The following SOX5 variants were observed in gnomAD, a reference collection of about 807,000 sequenced individuals.
SOX5 encodes SRY-box transcription factor 5.
A neutral mutation model predicts 92.0 loss-of-function variants in SOX5; 9 were observed. The ratio of observed to expected loss-of-function variants is 0.10; its 90% CI spans 0.06 to 0.17. The LOEUF is 0.17. Among genes scored for constraint, SOX5 ranks in the 10% least tolerant of loss-of-function variants. The pLI is 1.00. For missense variants in SOX5, 642 were observed against 944.5 expected, an observed-to-expected ratio of 0.68 and a Z score of 4.20; for synonymous variants, 344 against 336.3, an observed-to-expected ratio of 1.02 and a Z score of -0.25.
chr12:23,695,793 T>C (rs1469730052), intron 6 of SOX5, among the ~76,000 whole-genome samples: 5 of 151,268 alleles, frequency 3.3e-5, no homozygotes, highest in Non-Finnish European at 7.4e-5. Context: ...TACAAAAAAT[T>C]AGCTGGGCCC....
intron 1 of SOX5, among the ~76,000 whole-genome samples, chr12:24,545,412 G>A (rs888906027): frequency 5.9e-5 from 9 of 151,978 alleles, no homozygotes; most frequent in Middle Eastern, 3.2e-3. Context: ...CAGTTTTCCT[G>A]TGCTTGAGGA....
chr12:24,451,545 A>G (rs1452029764), intron 1 of SOX5, among the ~76,000 whole-genome samples: 1 of 152,182 alleles, frequency 6.6e-6, no homozygotes, highest in African/African-American at 2.4e-5. Context: ...TTCTCTGATC[A>G]ACGATGTTGA....
At chr12:23,983,012 C>T (rs547423792) in intron 4 of SOX5, among the ~76,000 whole-genome samples, 19 of 152,052 alleles carry the variant, frequency 1.2e-4, no homozygotes, top group Non-Finnish European at 2.5e-4. Context: ...TTTTTGCAAA[C>T]CACTAGCCCA....
At chr12:24,276,604 A>T (rs1019465193) in intron 3 of SOX5, among the ~76,000 whole-genome samples, 1 of 152,178 alleles carries the variant, frequency 6.6e-6, no homozygotes, top group Non-Finnish European at 1.5e-5. Flanking sequence ...AAGGATTTTC[A>T]ACTCTAGATC....
chr12:24,521,990 A>T (rs1950301804), intron 1 of SOX5, among the ~76,000 whole-genome samples: 1 of 152,008 alleles, frequency 6.6e-6, no homozygotes, highest in Non-Finnish European at 1.5e-5. Flanking sequence ...AGAAAAAAAA[A>T]TCAGCAAAAG....
At chr12:24,142,112 A>G (rs1950640831) in intron 4 of SOX5, among the ~76,000 whole-genome samples, 1 of 152,158 alleles carries the variant, frequency 6.6e-6, no homozygotes, top group Non-Finnish European at 1.5e-5. Context: ...CCCACATTGT[A>G]AAAGGAACTA....
chr12:23,625,625 T>C (rs1187798904), intron 8 of SOX5, among the ~76,000 whole-genome samples: 1 of 152,214 alleles, frequency 6.6e-6, no homozygotes, highest in Non-Finnish European at 1.5e-5. Flanking sequence ...TTTTTTGTTG[T>C]TTGAGACTAA....
At chr12:24,302,557 AT>A (rs113586904) in intron 2 of SOX5, among the ~76,000 whole-genome samples, 4,446 of 148,158 alleles carry the variant, frequency 0.03, 141 homozygotes, top group African/African-American at 0.084. Flanking sequence ...ATGAGTTTTG[AT>A]TTTTTTTTTT....
intron 1 of SOX5, among the ~76,000 whole-genome samples, chr12:23,910,915 C>T (rs910637069): frequency 4.6e-5 from 7 of 152,130 alleles, no homozygotes; most frequent in Non-Finnish European, 1.0e-4. Context: ...TCCACCTCTT[C>T]ACAACATTCG....
At chr12:23,738,600 G>C (rs905250068) in intron 5 of SOX5, 1 of 152,152 alleles carries the variant, frequency 6.6e-6, no homozygotes, top group African/African-American at 2.4e-5. Context: ...AAGGATTCTA[G>C]AATCCTTTTA....
chr12:23,790,556 A>ACG (rs2095457169), intron 3 of SOX5, among the ~76,000 whole-genome samples: 1 of 150,866 alleles, frequency 6.6e-6, no homozygotes, highest in Non-Finnish European at 1.5e-5. Context: ...TCTCACACAC[A>ACG]CACACACACA....
intron 5 of SOX5, among the ~76,000 whole-genome samples, chr12:23,739,081 C>G (rs2093705069): frequency 2.0e-5 from 3 of 152,178 alleles, no homozygotes; most frequent in African/African-American, 7.2e-5. Context: ...TTTCTTCATG[C>G]CATTCAACCC....
intron 4 of SOX5, among the ~76,000 whole-genome samples, chr12:24,190,850 T>C (rs895177566): frequency 1.1e-4 from 16 of 152,204 alleles, no homozygotes; most frequent in African/African-American, 2.2e-4. Flanking sequence ...TATAACCTCT[T>C]TATATGAATT....
intron 4 of SOX5, among the ~76,000 whole-genome samples, chr12:24,172,059 G>A (rs1409313554): frequency 6.7e-6 from 1 of 150,276 alleles, no homozygotes; most frequent in Non-Finnish European, 1.5e-5. Context: ...AATGTACTAT[G>A]GCTGGAGAAC....
chr12:23,653,350 A>G (rs1199196934), intron 7 of SOX5, among the ~76,000 whole-genome samples: 1 of 151,192 alleles, frequency 6.6e-6, no homozygotes, highest in Non-Finnish European at 1.5e-5. Flanking sequence ...CACTTCTTCG[A>G]TTGTATAGCT....
intron 4 of SOX5, among the ~76,000 whole-genome samples, chr12:24,105,617 T>C (rs1400903886): frequency 6.6e-6 from 1 of 152,164 alleles, no homozygotes; most frequent in African/African-American, 2.4e-5. Context: ...CCATTCCAAA[T>C]CTATAAACCA....
At chr12:23,991,192 A>C (rs1421014070) in intron 4 of SOX5, among the ~76,000 whole-genome samples, 1 of 14,550 alleles carries the variant, frequency 6.9e-5, no homozygotes, top group Non-Finnish European at 2.7e-4. Context: ...CGTCTCTGCA[A>C]AAAAAAAAAA....
chr12:23,562,165 T>C (rs539989676), intron 11 of SOX5, among the ~76,000 whole-genome samples: 18 of 152,328 alleles, frequency 1.2e-4, no homozygotes, highest in African/African-American at 4.1e-4. Context: ...ATACGTCTTA[T>C]GTTGTAACAC....
intron 4 of SOX5, among the ~76,000 whole-genome samples, chr12:24,001,886 C>T (rs372348775): frequency 1.3e-5 from 2 of 152,040 alleles, no homozygotes; most frequent in East Asian, 3.9e-4. Flanking sequence ...ACCACTGGAG[C>T]CCATGAGTTC....
Sources: gnomAD v4.1 joint callset for allele counts (sites outside exome capture counted in the v4.1 genomes callset) on GRCh38, gnomAD v4.1.1 for gene constraint, MANE v1.5 for transcripts, NCBI Gene and HGNC (gene_info 2026-07-23, HGNC 2026-07-21) for gene names.